PTPRU: variants seen among roughly 807,000 people sequenced by gnomAD.
PTPRU encodes the protein receptor-type tyrosine-protein phosphatase U.
PTPRU carries 69 observed loss-of-function variants against 166.3 expected under a neutral mutation model. That is an observed-to-expected ratio of 0.41 (90% CI 0.34 to 0.51). The LOEUF (loss-of-function observed/expected upper bound fraction) is 0.51, where lower values mean the gene tolerates loss of function less well. Among genes scored for constraint, PTPRU ranks in the 20% least tolerant of loss-of-function variants. PTPRU has a pLI of 0.09. For missense variants in PTPRU, 1,657 were observed against 2,013.7 expected, an observed-to-expected ratio of 0.82 and a Z score of 3.39; for synonymous variants, 793 against 814.0, an observed-to-expected ratio of 0.97 and a Z score of 0.44.
At chr1:29,265,849 C>T (rs1289656200) in intron 7 of PTPRU, among the ~76,000 whole-genome samples, 2 of 151,898 alleles carry the variant, frequency 1.3e-5, no homozygotes, top group Admixed American at 1.3e-4. Context: ...ATATTTCCTC[C>T]CAGTAGCTTG....
At chr1:29,289,782 C>G in intron 14 of PTPRU, 1 of 1,563,996 alleles carries the variant, frequency 6.4e-7, no homozygotes, top group Non-Finnish European at 8.8e-7. Flanking sequence ...CCCGCCTTCT[C>G]TGGTTGGGCT....
chr1:29,276,899 T>C (rs1221303045), intron 8 of PTPRU, among the ~76,000 whole-genome samples: 3 of 152,218 alleles, frequency 2.0e-5, no homozygotes, highest in African/African-American at 7.2e-5. Context: ...TCTTCATTTC[T>C]AATATACGTG....
In PTPRU at chr1:29,236,746, G is replaced by T. The variant is rs1021190896; in HGVS notation, c.73+29G>T. 7.2e-7 allele frequency: 1 copy of T among 1,392,828 alleles called. No individual in the cohort carries two copies. The highest frequency in any genetic ancestry group is 9.3e-7 in the Non-Finnish European group (1 of 1,077,580). The allele number at this position is 1,392,828 out of a possible 1,614,324, so 86.3% of individuals were successfully genotyped here. A position where few individuals can be genotyped will look rare whatever the true frequency, so the allele number is the denominator to read the frequency against. On this transcript the variant is annotated intron_variant, in intron 1 of 29. Transcript: ENST00000373779. This position sits in a 1 kb window ranked among gnomAD's most constrained non-coding sequence, Gnocchi z 4.6. ...AGCGCGCGGCGGCCGGACCGAGCCT[G>T]CCCCGCCGAGCCTCGGGGCCCGTGG...
At chr1:29,322,746 G>A (rs1205892801) in intron 26 of PTPRU, among the ~76,000 whole-genome samples, 1 of 152,156 alleles carries the variant, frequency 6.6e-6, no homozygotes, top group African/African-American at 2.4e-5. Flanking sequence ...ACTAGAAACT[G>A]AGGCTCAGGA....
At chr1:29,261,807 A>G (rs1365610105) in intron 7 of PTPRU, among the ~76,000 whole-genome samples, 5 of 152,198 alleles carry the variant, frequency 3.3e-5, no homozygotes, top group East Asian at 1.9e-4. Flanking sequence ...TGCTAAGATT[A>G]TAGGCGTGAG....
intron 15 of PTPRU, among the ~76,000 whole-genome samples, chr1:29,299,631 G>A (rs74897733): frequency 0.092 from 13,988 of 152,172 alleles, 882 homozygotes; most frequent in Non-Finnish European, 0.13. Context: ...CCTCCTTGTG[G>A]GGCTGTGCCA....
chr1:29,248,881 C>T (rs149817749), intron 1 of PTPRU, among the ~76,000 whole-genome samples: 7 of 152,274 alleles, frequency 4.6e-5, no homozygotes, highest in Admixed American at 1.3e-4. Flanking sequence ...CTCCCCTTTC[C>T]GACACCCATG....
At chr1:29,240,352 C>T (rs1224394489) in intron 1 of PTPRU, among the ~76,000 whole-genome samples, 2 of 152,178 alleles carry the variant, frequency 1.3e-5, no homozygotes, top group African/African-American at 4.8e-5. Context: ...TAGTTTACTT[C>T]TGAATCTTAG....
chr1:29,255,380 C>A lies in PTPRU; in HGVS notation c.179C>A (p.Thr60Asn), dbSNP rs35332573. The change falls in exon 2 of 30, where the codon ACC becomes AAC. Residue 60 changes from threonine (T) to asparagine (N), a missense_variant. Transcript: ENST00000373779. Reference sequence around the variant, plus strand: ...GAGCAAGTGCGAATCCACCCTGGCACCCGGGCACCTGCGGACCTGCCCCAC... The same window carrying A: ...GAGCAAGTGCGAATCCACCCTGGCAACCGGGCACCTGCGGACCTGCCCCAC... ...QWEQVRIHPG[T>N]RAPADLPHGS... 2.2e-3 allele frequency: 3,482 copies of A among 1,614,160 alleles called. 67 individuals are homozygous for A. In the African/African-American group the frequency reaches 0.041, roughly 19 times the overall value.
At chr1:29,269,168 T>C (rs937257786) in intron 7 of PTPRU, among the ~76,000 whole-genome samples, 7 of 141,244 alleles carry the variant, frequency 5.0e-5, no homozygotes, top group African/African-American at 1.8e-4. Flanking sequence ...TTCAGCCTCC[T>C]AAGCAGCTGG....
intron 2 of PTPRU, among the ~76,000 whole-genome samples, chr1:29,256,083 G>A (rs140071099): frequency 6.6e-6 from 1 of 152,254 alleles, no homozygotes; most frequent in East Asian, 1.9e-4. Context: ...GTCACTTAAC[G>A]TATCTGAGCC....
chr1:29,304,159 T>C, intron 16 of PTPRU, 114 bp downstream of exon 16: 1 of 1,246,136 alleles, frequency 8.0e-7, no homozygotes, highest in Non-Finnish European at 1.1e-6. Flanking sequence ...ACGCCTGCTC[T>C]GACAGTTTCC....
rs1688347938 is a variant in PTPRU, at chr1:29,325,140, TA to T, written c.4113-50del. The T allele has an allele frequency of 1.5e-5, 24 of 1,609,440 alleles. 1 individual carries two copies. The East Asian group carries it at 5.4e-4, about 36-fold the overall frequency. ...CCTCGTGGTTCCCTGGCCCTTTTCT[TA>T]CCTTCAGGTTCCAAGGCCCCGCCCC... On this transcript the variant is annotated intron_variant, in intron 28 of 29. Coordinates refer to ENST00000373779, the MANE Select transcript of PTPRU (RefSeq NM_133178.4).
rs1215671467 is a variant in PTPRU, at chr1:29,271,976, G to C, written c.1145-3472G>C. On this transcript the variant is annotated intron_variant, in intron 7 of 29. Transcript: ENST00000373779. This position sits in a 1 kb window ranked among gnomAD's most constrained non-coding sequence, Gnocchi z 4.4. Reference sequence around the variant, plus strand: ...AAGCAGTGGTACCTCGGCTCTTGTAGACTCCCAGGACAGTGCACACAGGGC... The same window carrying C: ...AAGCAGTGGTACCTCGGCTCTTGTACACTCCCAGGACAGTGCACACAGGGC... Among the ~76,000 whole-genome samples the C allele has an allele frequency of 6.6e-6, 1 of 152,004 alleles. No homozygotes were observed. The highest frequency in any genetic ancestry group is 1.5e-5 in the Non-Finnish European group (1 of 67,984).
At chr1:29,322,288 CAG>C (rs2151971608) in intron 26 of PTPRU, among the ~76,000 whole-genome samples, 2 of 152,246 alleles carry the variant, frequency 1.3e-5, no homozygotes, top group South Asian at 4.1e-4. Flanking sequence ...AGGGAGGAGA[CAG>C]AGGGAGAAGA....
chr1:29,272,052 G>C (rs1685578457), intron 7 of PTPRU, among the ~76,000 whole-genome samples: 1 of 152,180 alleles, frequency 6.6e-6, no homozygotes, highest in Non-Finnish European at 1.5e-5. Flanking sequence ...AGGGCAGCCA[G>C]GACCACAGCC....
chr1:29,252,365 T>C lies in PTPRU; in HGVS notation c.74-2910T>C, dbSNP rs982455039. On this transcript the variant is annotated intron_variant, in intron 1 of 29. Coordinates refer to ENST00000373779, the MANE Select transcript of PTPRU (RefSeq NM_133178.4). ...TCACTGCAACCTCTGCCTGCTGGGT[T>C]CAAGTGATTCTTCTATTTCTGCCTC... Among the ~76,000 whole-genome samples the C allele has an allele frequency of 5.7e-4, 87 of 151,882 alleles. 6 individuals carry two copies.
rs867925496 is a variant in PTPRU at position 29,309,864 on chromosome 1, G to A, written c.2821-880G>A. On this transcript the variant is annotated intron_variant, in intron 18 of 29. Transcript: ENST00000373779. ...TGAGGGTGTAAACTTGAGGTAGGGG[G>A]CTGGGCTAGTTTTCTCAGCGCCAGC... is the stretch of plus-strand genomic sequence containing the variant. Among the ~76,000 whole-genome samples the A allele has an allele frequency of 3.9e-5, 6 of 152,226 alleles. No individual in the cohort carries two copies. In the South Asian group the frequency reaches 1.2e-3, roughly 32 times the overall value.
At chr1:29,305,802 C>T (rs927177247) in intron 18 of PTPRU, among the ~76,000 whole-genome samples, 1 of 152,154 alleles carries the variant, frequency 6.6e-6, no homozygotes, top group Non-Finnish European at 1.5e-5. Context: ...ATGGCAGGCT[C>T]AGGAGTGGGG....
Sources: allele counts gnomAD v4.1 joint callset (sites outside exome capture counted in the v4.1 genomes callset), GRCh38; gene constraint gnomAD v4.1.1; non-coding constraint Gnocchi (gnomAD v3.1); transcripts MANE v1.5; gene names NCBI Gene and HGNC (gene_info 2026-07-23, HGNC 2026-07-21).